PCDHA11: variants seen among roughly 807,000 people sequenced by gnomAD.
PCDHA11 encodes protocadherin alpha 11, also known as protocadherin alpha-11.
PCDHA11 carries 61 observed loss-of-function variants against 70.3 expected under a neutral mutation model. The ratio of observed to expected loss-of-function variants is 0.87; its 90% CI spans 0.71 to 1.07. The LOEUF is 1.07. PCDHA11 is among the 50% of genes least tolerant of loss of function. The probability of loss-of-function intolerance (pLI) is 0.00; values close to 1 mark genes in which losing one functional copy is unlikely to be tolerated. For missense variants in PCDHA11, 1,324 were observed against 1,237.5 expected (o/e 1.07, Z -1.05); for synonymous variants, 633 against 555.1 (o/e 1.14, Z -1.97).
chr5:140,902,963 G>T (rs2069893804), intron 1 of PCDHA11, among the ~76,000 whole-genome samples: 1 of 152,180 alleles, frequency 6.6e-6, no homozygotes, highest in Non-Finnish European at 1.5e-5. Context: ...CTTGTTGGCT[G>T]ATGGGCATTT....
chr5:140,944,206 T>C (rs1291391135), intron 1 of PCDHA11, among the ~76,000 whole-genome samples: 1 of 152,156 alleles, frequency 6.6e-6, no homozygotes, highest in Non-Finnish European at 1.5e-5. Context: ...GTTTTGTTTT[T>C]AAAGAGGGTT....
At chr5:140,966,802 G>A in intron 1 of PCDHA11, 4 of 1,542,100 alleles carry the variant, frequency 2.6e-6, no homozygotes, top group Non-Finnish European at 2.6e-6. Context: ...CGGCGACAGA[G>A]CATCCACGGC....
At chr5:140,968,961 A>G (rs1554231270) in intron 1 of PCDHA11, 1 of 1,614,088 alleles carries the variant, frequency 6.2e-7, no homozygotes, top group African/African-American at 1.3e-5. Context: ...ATCAAGTGCT[A>G]CCGCTACACT....
intron 1 of PCDHA11, among the ~76,000 whole-genome samples, chr5:140,951,140 C>G (rs1322025119): frequency 9.9e-6 from 1 of 100,842 alleles, no homozygotes; most frequent in Non-Finnish European, 2.0e-5. Context: ...TTTCCTTTAT[C>G]TTATTGAATA....
chr5:140,929,166 C>T (rs782695019), intron 1 of PCDHA11: 1 of 1,614,146 alleles, frequency 6.2e-7, no homozygotes, highest in Non-Finnish European at 8.5e-7. Context: ...TCTATCGGGC[C>T]TCTCTGGGAC....
chr5:140,889,551 C>A (rs981990006), intron 1 of PCDHA11, among the ~76,000 whole-genome samples: 1 of 152,074 alleles, frequency 6.6e-6, no homozygotes, highest in Non-Finnish European at 1.5e-5. Flanking sequence ...ATTTACTTTT[C>A]TTCAGAATTC....
intron 1 of PCDHA11, among the ~76,000 whole-genome samples, chr5:140,920,933 C>G (rs1293177470): frequency 6.6e-6 from 1 of 151,360 alleles, no homozygotes; most frequent in Non-Finnish European, 1.5e-5. Flanking sequence ...GGTGATCTAG[C>G]CCTTTCATTC....
intron 3 of PCDHA11, among the ~76,000 whole-genome samples, chr5:141,006,608 G>A (rs2098279719): frequency 6.6e-6 from 1 of 152,200 alleles, no homozygotes; most frequent in African/African-American, 2.4e-5. Flanking sequence ...GAAGCAGACT[G>A]AATAAGGAGA....
chr5:140,951,841 AAAAGTCC>A (rs1266500275), intron 1 of PCDHA11, among the ~76,000 whole-genome samples: 1 of 152,182 alleles, frequency 6.6e-6, no homozygotes, highest in African/African-American at 2.4e-5. Context: ...GCATTAAGCC[AAAAGTCC>A]AAAGTCCAAA....
chr5:140,917,338 G>GGGGGGGGGGGGGGGGGA (rs2078134893), intron 1 of PCDHA11, among the ~76,000 whole-genome samples: 1 of 137,894 alleles, frequency 7.3e-6, no homozygotes, highest in Non-Finnish European at 1.6e-5. Flanking sequence ...GGAGGGGGGG[G>GGGGGGGGGGGGGGGGGA]ATGGTGTAGG....
rs371515299 is a variant in PCDHA11, at chr5:140,870,550, G to T, written c.1447G>T (p.Ala483Ser). 1.5e-5 allele frequency: 24 copies of T among 1,613,948 alleles called. No individual in the cohort carries two copies. The highest frequency in any genetic ancestry group is 1.6e-4 in the Middle Eastern group (1 of 6,080). ...CACAGTGTCGGCGCGGGACGCGGAC[G>T]CGCAGGAGAACGCGCTGGTGTCCTA... ...IFTVSARDAD[A>S]QENALVSYSL... The change falls in exon 1 of 4, where the codon GCG becomes TCG. Residue 483 changes from alanine (A) to serine (S), a missense_variant. Transcript: ENST00000398640.
At chr5:140,920,135 C>T (rs1206026315) in intron 1 of PCDHA11, among the ~76,000 whole-genome samples, 2 of 152,164 alleles carry the variant, frequency 1.3e-5, no homozygotes, top group Non-Finnish European at 2.9e-5. Flanking sequence ...TTTTAATTCT[C>T]CTCTCCAAAC....
intron 1 of PCDHA11, among the ~76,000 whole-genome samples, chr5:140,918,975 T>C (rs141194276): frequency 6.6e-6 from 1 of 152,310 alleles, no homozygotes; most frequent in East Asian, 1.9e-4. Flanking sequence ...ATCGTTTAGG[T>C]TAGTTGGTTT....
At chr5:140,878,358 A>G (rs2057559820) in intron 1 of PCDHA11, among the ~76,000 whole-genome samples, 1 of 152,254 alleles carries the variant, frequency 6.6e-6, no homozygotes, top group Non-Finnish European at 1.5e-5. Context: ...TATAAATGAT[A>G]TGTCTGACAT....
chr5:140,941,193 TTC>T (rs1491512649), intron 1 of PCDHA11, among the ~76,000 whole-genome samples: 2 of 116,638 alleles, frequency 1.7e-5, no homozygotes, highest in Admixed American at 1.7e-4. Flanking sequence ...TTCTTTTTTT[TTC>T]TTTCTTCCTT....
chr5:140,903,543 A>C (rs1309997907), intron 1 of PCDHA11, among the ~76,000 whole-genome samples: 2 of 152,206 alleles, frequency 1.3e-5, no homozygotes, highest in East Asian at 3.8e-4. Flanking sequence ...TAGAGCAAGA[A>C]ACTTTTCTAA....
In PCDHA11 at chr5:140,869,092, A is replaced by G. The variant is rs782192400; in HGVS notation, c.-12A>G. 27 of 1,591,278 alleles carry G rather than the reference A, an allele frequency of 1.7e-5. No homozygotes were observed. Among genetic ancestry groups the G allele is most frequent in the Non-Finnish European group, 2.1e-5 (25 of 1,168,418 alleles). On this transcript the variant is annotated 5_prime_UTR_variant, in exon 1 of 4. Coordinates refer to ENST00000398640, the MANE Select transcript of PCDHA11 (RefSeq NM_018902.5). ...GTAAAGAAGCTTATTTTGGAAGCCA[A>G]TTTCGTATGCGATGTTTGGTTTTCA... is the stretch of plus-strand genomic sequence containing the variant.
intron 1 of PCDHA11, among the ~76,000 whole-genome samples, chr5:140,937,708 C>G (rs535447052): frequency 6.6e-6 from 1 of 151,944 alleles, no homozygotes; most frequent in South Asian, 2.1e-4. Flanking sequence ...GTCAGGAGAT[C>G]AAGACCATCC....
intron 1 of PCDHA11, among the ~76,000 whole-genome samples, chr5:140,931,879 T>A (rs1335268218): frequency 3.3e-5 from 5 of 151,966 alleles, no homozygotes; most frequent in Non-Finnish European, 7.4e-5. Flanking sequence ...TATTTATTGC[T>A]TTCATTTTAT....
Sources: allele counts gnomAD v4.1 joint callset (sites outside exome capture counted in the v4.1 genomes callset), GRCh38; gene constraint gnomAD v4.1.1; transcripts MANE v1.5; gene names NCBI Gene and HGNC (gene_info 2026-07-23, HGNC 2026-07-21).